NPEPL1: variants seen among roughly 807,000 people sequenced by gnomAD.
The protein encoded by NPEPL1 is probable aminopeptidase NPEPL1.
A neutral mutation model predicts 52.4 loss-of-function variants in NPEPL1; 45 were observed. That is an observed-to-expected ratio of 0.86 (90% CI 0.68 to 1.10). The LOEUF is 1.10. NPEPL1 is among the 50% of genes least tolerant of loss of function. The probability of loss-of-function intolerance (pLI) is 0.00; values close to 1 mark genes in which losing one functional copy is unlikely to be tolerated. For missense variants in NPEPL1, 696 were observed against 710.9 expected, an observed-to-expected ratio of 0.98 and a Z score of 0.24; for synonymous variants, 360 against 314.7, an observed-to-expected ratio of 1.14 and a Z score of -1.52.
chr20:58,701,912 C>A (rs917324232), intron 6 of NPEPL1, among the ~76,000 whole-genome samples: 4 of 152,160 alleles, frequency 2.6e-5, no homozygotes, highest in African/African-American at 9.7e-5. Context: ...GTGGAGCCCC[C>A]GTCGTGGCCG....
chr20:58,702,594 GGAAT>G (rs1302057098), intron 6 of NPEPL1, among the ~76,000 whole-genome samples: 2 of 152,050 alleles, frequency 1.3e-5, no homozygotes, highest in Non-Finnish European at 2.9e-5. Context: ...AATAGATGGT[GGAAT>G]GAATGTTTGT....
At chr20:58,707,806 G>T (rs1045489373) in intron 7 of NPEPL1, among the ~76,000 whole-genome samples, 1 of 152,170 alleles carries the variant, frequency 6.6e-6, no homozygotes, top group African/African-American at 2.4e-5. Context: ...AAATGAAGAG[G>T]CCAGCTCATG....
intron 7 of NPEPL1, among the ~76,000 whole-genome samples, chr20:58,708,294 C>T (rs779819206): frequency 2.0e-5 from 3 of 152,218 alleles, no homozygotes; most frequent in Non-Finnish European, 2.9e-5. Flanking sequence ...CTCCTTCTGC[C>T]GGGGCTTCCC....
In NPEPL1 at chr20:58,692,966, G is replaced by C; in HGVS notation, c.66G>C (p.Leu22=). ...ACTCGGACCCACAGAGCCGGCCCCT[G>C]CTGCTGCTCGGGCAGCTGCACCACC... The part of the protein sequence containing the change: ...AGDSDPQSRP[L]LLLGQLHHLH... Residue 22 remains leucine, a synonymous_variant, in exon 1 of 12, where the codon CTG becomes CTC. Transcript: ENST00000356091. The surrounding 1 kb of genome is among the most constrained non-coding windows in gnomAD (Gnocchi z 5.7). The C allele has an allele frequency of 8.4e-7, 1 of 1,191,570 alleles. No homozygotes were observed. The highest frequency in any genetic ancestry group is 1.1e-6 in the Non-Finnish European group (1 of 942,310). The allele number at this position is 1,191,570 out of a possible 1,614,324, so 73.8% of individuals were successfully genotyped here. A position where few individuals can be genotyped will look rare whatever the true frequency, so the allele number is the denominator to read the frequency against.
At chr20:58,711,363 T>C (rs2084838394) in intron 7 of NPEPL1, 1 of 152,194 alleles carries the variant, frequency 6.6e-6, no homozygotes. Context: ...GTGGTCACTG[T>C]ACACACAGAT....
intron 5 of NPEPL1, 64 bp downstream of exon 5, chr20:58,699,342 CA>C: frequency 7.7e-7 from 1 of 1,301,434 alleles, no homozygotes; most frequent in Non-Finnish European, 1.1e-6. Context: ...ACTTGGGTGG[CA>C]GGGGGTCGGC....
intron 7 of NPEPL1, chr20:58,711,122 T>TCTCCTCCTCCTCGCCCTC (rs2084832768): frequency 2.2e-5 from 1 of 46,132 alleles, no homozygotes; most frequent in Non-Finnish European, 3.9e-5. Context: ...CTCCTCCCCC[T>TCTCCTCCTCCTCGCCCTC]CTCCTCCTCC....
upstream of NPEPL1, chr20:58,691,548 C>G: frequency 1.5e-6 from 1 of 651,922 alleles, no homozygotes. Context: ...GACCTGGAGC[C>G]TGTGGACAGG....
chr20:58,695,043 TGTATGTTTGC>T, intron 3 of NPEPL1, among the ~76,000 whole-genome samples: 3 of 149,162 alleles, frequency 2.0e-5, no homozygotes, highest in Non-Finnish European at 3.0e-5. Context: ...TGTGTTGCTG[TGTATGTTTGC>T]TGGTGTGTGC....
At chr20:58,708,547 C>T (rs527415710) in intron 7 of NPEPL1, among the ~76,000 whole-genome samples, 10 of 151,986 alleles carry the variant, frequency 6.6e-5, no homozygotes, top group African/African-American at 1.5e-4. Context: ...TGCCGTGGCC[C>T]GTCCACTGCA....
At position 58,713,906 on chromosome 20, in the gene NPEPL1, T is replaced by C; in HGVS notation, c.1126-11T>C. 1 of 1,455,632 alleles carries C rather than the reference T, an allele frequency of 6.9e-7. No homozygotes were observed. The highest frequency in any genetic ancestry group is 9.0e-7 in the Non-Finnish European group (1 of 1,106,864). The allele number at this position is 1,455,632 out of a possible 1,614,324, so 90.2% of individuals were successfully genotyped here. ...CCCGTCCACACGCTTCCCGGGTTCC[T>C]GCCCGCCCAGGGCATTGCCACAGGG... On this transcript the variant is annotated splice_polypyrimidine_tract_variant and intron_variant, in intron 9 of 11. Coordinates refer to ENST00000356091, the MANE Select transcript of NPEPL1 (RefSeq NM_024663.4). This position sits in a 1 kb window ranked among gnomAD's most constrained non-coding sequence, Gnocchi z 4.6.
chr20:58,698,477 G>C (rs899801215), intron 3 of NPEPL1, among the ~76,000 whole-genome samples: 3 of 152,142 alleles, frequency 2.0e-5, no homozygotes, highest in African/African-American at 7.2e-5. Flanking sequence ...TGTGCTGAAG[G>C]TTCTTTCTAC....
intron 6 of NPEPL1, chr20:58,703,592 G>A (rs1763191249): frequency 3.0e-6 from 3 of 985,164 alleles, no homozygotes; most frequent in Admixed American, 6.2e-5. Context: ...GGACCAATGT[G>A]AGAAGATGAG....
rs1406510759 is a variant in NPEPL1, at chr20:58,701,133, C to G, written c.797C>G (p.Thr266Ser). The G allele has an allele frequency of 1.3e-5, 20 of 1,578,544 alleles. No individual in the cohort carries two copies. Among genetic ancestry groups the G allele is most frequent in the Non-Finnish European group, 1.4e-5 (16 of 1,163,352 alleles). ...GTGGGCAAAGGCATCGTCTATGACA[C>G]TGGAGGCCTCAGCATCAAAGGGAAG... ...AWVGKGIVYDTGGLSIKGKTT... is the reference protein window; with the variant it reads ...AWVGKGIVYDSGGLSIKGKTT... Residue 266 changes from threonine to serine, a missense_variant, in exon 6 of 12, where the codon ACT (threonine) becomes AGT (serine). Transcript: ENST00000356091.
At chr20:58,698,887 T>C (rs1373169459) in intron 4 of NPEPL1, 114 bp downstream of exon 4, 10 of 890,098 alleles carry the variant, frequency 1.1e-5, no homozygotes. Flanking sequence ...CCAGGGAACC[T>C]CAGGGCTGCC....
At chr20:58,695,275 TGTG>T (rs1568848043) in intron 3 of NPEPL1, among the ~76,000 whole-genome samples, 2 of 6,586 alleles carry the variant, frequency 3.0e-4, no homozygotes, top group Admixed American at 1.2e-3. Flanking sequence ...GTGTGTGTGT[TGTG>T]TGTGTTGCTG....
intron 7 of NPEPL1, among the ~76,000 whole-genome samples, chr20:58,711,926 A>G (rs1265053916): frequency 1.3e-5 from 2 of 150,664 alleles, no homozygotes; most frequent in African/African-American, 4.8e-5. Flanking sequence ...TCCATTTGAC[A>G]TTGCTGCCCG....
At chr20:58,700,139 C>A (rs778305902) in intron 5 of NPEPL1, among the ~76,000 whole-genome samples, 6 of 152,174 alleles carry the variant, frequency 3.9e-5, no homozygotes, top group Non-Finnish European at 8.8e-5. Flanking sequence ...GGTCTCTGAG[C>A]GAGAGATAGG....
At chr20:58,706,094 T>C (rs2084728628) in intron 6 of NPEPL1, among the ~76,000 whole-genome samples, 1 of 152,182 alleles carries the variant, frequency 6.6e-6, no homozygotes, top group Admixed American at 6.5e-5. Context: ...ACTTGTGAAT[T>C]TGATTTGGGA....
Sources: gnomAD v4.1 joint callset for allele counts (sites outside exome capture counted in the v4.1 genomes callset) on GRCh38, gnomAD v4.1.1 for gene constraint, Gnocchi (gnomAD v3.1) non-coding constraint, MANE v1.5 for transcripts, NCBI Gene and HGNC (gene_info 2026-07-23, HGNC 2026-07-21) for gene names.